Variants in DNASE1L3 observed in about 807,000 individuals in gnomAD.
The protein encoded by DNASE1L3 is deoxyribonuclease gamma.
A neutral mutation model predicts 30.9 loss-of-function variants in DNASE1L3; 27 were observed. That is an observed-to-expected ratio of 0.87 (90% CI 0.64 to 1.20). The LOEUF (loss-of-function observed/expected upper bound fraction) is 1.20, where lower values mean the gene tolerates loss of function less well. Ranked by LOEUF, DNASE1L3 falls within the 50% of genes most tolerant of loss-of-function variation. The pLI is 0.00. For synonymous variants in DNASE1L3, 135 were observed against 138.0 expected (o/e 0.98, Z 0.15); for missense variants, 364 against 378.2 (o/e 0.96, Z 0.31).
Position 58,195,142 on chromosome 3 carries a change from C to T in DNASE1L3, c.705-1703G>A, listed in dbSNP as rs149563695. On this transcript the variant is annotated intron_variant, in intron 6 of 7. Coordinates refer to ENST00000394549, the MANE Select transcript of DNASE1L3 (RefSeq NM_004944.4). ...GATCCTGGGCATCTTTGCATGTTCC[C>T]CCAGCACTCAGCACATGAGAGGTGT... 1.1e-3 allele frequency among the ~76,000 whole-genome samples: 169 copies of T among 152,316 alleles called. 1 individual carries two copies. Among genetic ancestry groups the T allele is most frequent in the Middle Eastern group, 6.8e-3 (2 of 294 alleles).
At chr3:58,208,024 T>A (rs370009927) in intron 2 of DNASE1L3, 194 bp downstream of exon 2, 5 of 509,896 alleles carry the variant, frequency 9.8e-6, no homozygotes, top group Non-Finnish European at 3.5e-6. Flanking sequence ...TCCCCTATTC[T>A]ATTTTATCAC....
chr3:58,201,923 C>T (rs1489742239), intron 4 of DNASE1L3, among the ~76,000 whole-genome samples: 2 of 152,198 alleles, frequency 1.3e-5, no homozygotes, highest in Non-Finnish European at 2.9e-5. Flanking sequence ...TTTTTCCTTG[C>T]AGTACCAGGG....
At chr3:58,208,715 G>T (rs983429644) in intron 1 of DNASE1L3, among the ~76,000 whole-genome samples, 1 of 152,104 alleles carries the variant, frequency 6.6e-6, no homozygotes, top group Non-Finnish European at 1.5e-5. Flanking sequence ...AAATAAAGAG[G>T]TATAATTATA....
In DNASE1L3 at chr3:58,204,827, T is replaced by A; in HGVS notation, c.375A>T (p.Gly125=). The change falls in exon 4 of 8, where the codon GGA becomes GGT. Residue 125 remains glycine, a synonymous_variant. Transcript: ENST00000394549. ...GCTCCCTGGAAAACACATCTGCGTC[T>A]CCATCCTGATAGTCATGGTAGTGAT... ...RSYHYHDYQD[G]DADVFSREPF... 1 of 1,614,214 alleles carries A rather than the reference T, an allele frequency of 6.2e-7. No homozygotes were observed. Among genetic ancestry groups the A allele is most frequent in the Non-Finnish European group, 8.5e-7 (1 of 1,180,036 alleles).
chr3:58,196,551 TAAAAAAAAAAAAA>T (rs60743972), intron 6 of DNASE1L3, among the ~76,000 whole-genome samples: 2 of 60,714 alleles, frequency 3.3e-5, no homozygotes, highest in South Asian at 8.1e-4. Flanking sequence ...AGACTCTGTC[TAAAAAAAAAAAAA>T]AAAAAAAAAA....
At chr3:58,204,689 A>C in intron 4 of DNASE1L3, 80 bp downstream of exon 4, 1 of 1,193,368 alleles carries the variant, frequency 8.4e-7, no homozygotes, top group Non-Finnish European at 1.2e-6. Context: ...ATGCCTCCTT[A>C]ATGGGCTCAT....
intron 2 of DNASE1L3, among the ~76,000 whole-genome samples, chr3:58,206,463 T>C (rs1347670759): frequency 6.6e-6 from 1 of 152,266 alleles, no homozygotes; most frequent in East Asian, 1.9e-4. Context: ...GCTTCCACTT[T>C]GGGGAGACTG....
At chr3:58,204,204 G>C (rs551729121) in intron 4 of DNASE1L3, among the ~76,000 whole-genome samples, 2 of 149,906 alleles carry the variant, frequency 1.3e-5, no homozygotes, top group Non-Finnish European at 3.0e-5. Context: ...GCAGTGGTAC[G>C]ATCTCGGCTC....
intron 2 of DNASE1L3, among the ~76,000 whole-genome samples, chr3:58,206,457 C>T (rs1008572298): frequency 6.6e-5 from 10 of 152,294 alleles, no homozygotes; most frequent in Non-Finnish European, 1.5e-4. Context: ...TGCCGGGCTT[C>T]CACTTTGGGG....
chr3:58,203,378 C>A (rs1457880856), intron 4 of DNASE1L3, among the ~76,000 whole-genome samples: 6 of 152,244 alleles, frequency 3.9e-5, no homozygotes, highest in Admixed American at 2.0e-4. Context: ...GTATGGCTGA[C>A]TTCTTCAGGT....
At chr3:58,193,828 T>G (rs1028894416) in intron 6 of DNASE1L3, among the ~76,000 whole-genome samples, 1 of 152,246 alleles carries the variant, frequency 6.6e-6, no homozygotes, top group Non-Finnish European at 1.5e-5. Context: ...GGTGCTGGTT[T>G]GTCTTTAATA....
In DNASE1L3 at chr3:58,197,512, G is replaced by A. The variant is rs147947980; in HGVS notation, c.704+309C>T. On this transcript the variant is annotated intron_variant, in intron 6 of 7. Coordinates refer to ENST00000394549, the MANE Select transcript of DNASE1L3 (RefSeq NM_004944.4). This position sits in a 1 kb window ranked among gnomAD's most constrained non-coding sequence, Gnocchi z 5.3. ...CTGTTACCCAGGCTGGAGTGCAGTG[G>A]TGCGATCCTGGCTCACTGCAGCCTC... Among the ~76,000 whole-genome samples the A allele has an allele frequency of 6.6e-4, 101 of 152,262 alleles. No homozygotes were observed. The highest frequency in any genetic ancestry group is 2.2e-3 in the African/African-American group (90 of 41,532).
chr3:58,210,939 G>A lies in DNASE1L3; in HGVS notation c.-33C>T. 1 of 1,611,406 alleles carries A rather than the reference G, an allele frequency of 6.2e-7. No individual in the cohort carries two copies. The highest frequency in any genetic ancestry group is 8.5e-7 in the Non-Finnish European group (1 of 1,179,048). On this transcript the variant is annotated 5_prime_UTR_variant, in exon 1 of 8. Coordinates refer to ENST00000394549, the MANE Select transcript of DNASE1L3 (RefSeq NM_004944.4). ...CTGCTCTGGCTTCAAGACTCTGTGA[G>A]AAGACAGCAGTGCTTGGAGTGCTGG...
At chr3:58,198,090 T>C (rs2097398501) in intron 5 of DNASE1L3, 112 bp from the exon 6 acceptor site, 2 of 1,251,954 alleles carry the variant, frequency 1.6e-6, no homozygotes, top group Non-Finnish European at 2.2e-6. Context: ...CAGGGTCTGT[T>C]ATGGGCTGAA....
At chr3:58,205,436 G>C in intron 3 of DNASE1L3, 35 bp downstream of exon 3, 1 of 1,551,286 alleles carries the variant, frequency 6.4e-7, no homozygotes, top group Non-Finnish European at 8.9e-7. Context: ...CGATTTATTG[G>C]TGGCCATGTT....
intron 6 of DNASE1L3, among the ~76,000 whole-genome samples, chr3:58,196,463 G>C (rs954414547): frequency 1.3e-5 from 2 of 148,318 alleles, no homozygotes; most frequent in African/African-American, 2.5e-5. Flanking sequence ...TGAGGCAGGA[G>C]AATGGCGTGA....
At chr3:58,202,907 A>C (rs140280678) in intron 4 of DNASE1L3, among the ~76,000 whole-genome samples, 5 of 152,302 alleles carry the variant, frequency 3.3e-5, no homozygotes, top group Non-Finnish European at 1.5e-5. Flanking sequence ...TAAGAACAAA[A>C]GTTCCAAAAA....
chr3:58,201,212 C>T, intron 4 of DNASE1L3, 103 bp from the exon 5 acceptor site: 1 of 808,704 alleles, frequency 1.2e-6, no homozygotes, highest in Non-Finnish European at 1.9e-6. Context: ...GCACAGGCTG[C>T]ATTATCTGGG....
In DNASE1L3 at chr3:58,197,835, G is replaced by T. The variant is rs1278977791; in HGVS notation, c.690C>A (p.Asn230Lys). ...GGGCCTCCTACCTGTCATATGCACA[G>T]TTGGTGCTCTTCTTCACCGTGGTGT... ...QEDTTVKKST[N>K]CAYDRIVLRG... is the part of the protein sequence containing the mutation. The change falls in exon 6 of 8, where the codon AAC (asparagine) becomes AAA (lysine). Residue 230 changes from asparagine (N) to lysine (K), a missense_variant. Asn to Lys is a moderately conservative substitution (Grantham distance 94). Coordinates refer to ENST00000394549, the MANE Select transcript of DNASE1L3 (RefSeq NM_004944.4). The surrounding 1 kb of genome is among the most constrained non-coding windows in gnomAD (Gnocchi z 5.3). 1.2e-6 allele frequency: 2 copies of T among 1,613,954 alleles called. No individual in the cohort carries two copies. The highest frequency in any genetic ancestry group is 2.7e-5 in the African/African-American group (2 of 74,936).
Sources: gnomAD v4.1 joint callset for allele counts (sites outside exome capture counted in the v4.1 genomes callset) on GRCh38, gnomAD v4.1.1 for gene constraint, Gnocchi (gnomAD v3.1) non-coding constraint, MANE v1.5 for transcripts, NCBI Gene and HGNC (gene_info 2026-07-23, HGNC 2026-07-21) for gene names.